The following KIF1A variants were observed in gnomAD, a reference collection of about 807,000 sequenced individuals.
The protein encoded by KIF1A is kinesin family member 1A.
A neutral mutation model predicts 227.3 loss-of-function variants in KIF1A; 46 were observed. That is an observed-to-expected ratio of 0.20 (90% CI 0.16 to 0.26). KIF1A has a LOEUF of 0.26. Among genes scored for constraint, KIF1A ranks in the 10% least tolerant of loss-of-function variants. The probability of loss-of-function intolerance (pLI) is 1.00; values close to 1 mark genes in which losing one functional copy is unlikely to be tolerated. For synonymous variants in KIF1A, 1,022 were observed against 1,012.8 expected, an observed-to-expected ratio of 1.01 and a Z score of -0.17; for missense variants, 1,683 against 2,485.9, an observed-to-expected ratio of 0.68 and a Z score of 6.87.
intron 8 of KIF1A, among the ~76,000 whole-genome samples, chr2:240,783,508 G>A (rs901712603): frequency 2.6e-4 from 40 of 152,168 alleles, no homozygotes; most frequent in Non-Finnish European, 5.3e-4. Context: ...CTTGGGGCCC[G>A]AAAGAGGACA....
Position 240,791,338 on chromosome 2 carries a change from G to T in KIF1A, c.107-2026C>A, listed in dbSNP as rs374873343. The stretch of plus-strand genomic sequence containing the variant: ...TGGGCCTCCCAGCTCTGACACAGAG[G>T]CCTGGGGCCCCTTGCTCAAGCCAGC... On this transcript the variant is annotated intron_variant, in intron 2 of 48. Transcript: ENST00000498729. Among the ~76,000 whole-genome samples, 177 of 152,210 alleles carry T rather than the reference G, an allele frequency of 1.2e-3. 4 individuals are homozygous for T. In the South Asian group the frequency reaches 0.027, roughly 23 times the overall value.
At chr2:240,722,121 TCCA>T (rs2045469973) in intron 43 of KIF1A, among the ~76,000 whole-genome samples, 3 of 152,146 alleles carry the variant, frequency 2.0e-5, no homozygotes, top group Non-Finnish European at 2.9e-5. Flanking sequence ...CTGTGCTGCC[TCCA>T]GTGCAGGAGG....
intron 11 of KIF1A, 135 bp from the exon 12 acceptor site, chr2:240,774,396 C>T: frequency 2.4e-6 from 1 of 418,878 alleles, no homozygotes; most frequent in Non-Finnish European, 4.2e-6. Context: ...GGCTTACCCC[C>T]CCCCCCACCC....
At chr2:240,796,430 C>T (rs928164600) in intron 2 of KIF1A, among the ~76,000 whole-genome samples, 1 of 152,194 alleles carries the variant, frequency 6.6e-6, no homozygotes, top group African/African-American at 2.4e-5. Flanking sequence ...GCCCCGGCCA[C>T]GGAGGTCACC....
At chr2:240,717,913 G>A (rs995970067) in intron 48 of KIF1A, 137 bp downstream of exon 48, 57 of 696,880 alleles carry the variant, frequency 8.2e-5, no homozygotes, top group Non-Finnish European at 1.2e-4. Flanking sequence ...AATGGTCCCC[G>A]CCAGGAGGGG....
rs2046006911 is a variant in KIF1A, at chr2:240,726,417, C to CCTGG, written c.4122+405_4122+408dup. ...CCTGAGGCCAGGAGTTTGAGAACAG[C>CCTGG]CTGGCCAACATGGCAAAACCCCATC... On this transcript the variant is annotated intron_variant, in intron 39 of 48. Coordinates refer to ENST00000498729, the MANE Select transcript of KIF1A (RefSeq NM_001244008.2). This position sits in a 1 kb window ranked among gnomAD's most constrained non-coding sequence, Gnocchi z 5.2. Among the ~76,000 whole-genome samples the CCTGG allele has an allele frequency of 6.6e-6, 1 of 152,152 alleles. No individual in the cohort carries two copies. Among genetic ancestry groups the CCTGG allele is most frequent in the Admixed American group, 6.5e-5 (1 of 15,282 alleles).
rs1281189074 is a variant in KIF1A at position 240,762,742 on chromosome 2, T to C, written c.2093A>G (p.Glu698Gly). 6.3e-7 allele frequency: 1 copy of C among 1,595,746 alleles called. No homozygotes were observed. The highest frequency in any genetic ancestry group is 1.7e-5 in the Admixed American group (1 of 59,472). ...DSRYYPEVNE[E>G]EEEPEDEVQW... ...ACCTTCATCCTCGGGCTCCTCCTCC[T>C]CCTCGTTCACCTCCGGGTAGTACCT... is the stretch of plus-strand genomic sequence containing the variant. Residue 698 changes from glutamate (E) to glycine (G), a missense_variant, in exon 23 of 49, where the codon GAG becomes GGG. Glu to Gly is a moderately conservative substitution (Grantham distance 98). Coordinates refer to ENST00000498729, the MANE Select transcript of KIF1A (RefSeq NM_001244008.2).
chr2:240,807,048 T>C (rs1380481284), intron 1 of KIF1A, among the ~76,000 whole-genome samples: 2 of 151,370 alleles, frequency 1.3e-5, no homozygotes, highest in African/African-American at 4.9e-5. Context: ...TGGTGTACTA[T>C]TTGCATTTGA....
In KIF1A at chr2:240,717,964, G is replaced by A. The variant is rs2044756265; in HGVS notation, c.5333+86C>T. ...CCTGGGAGAGCAGTCTTGTCCTGCA[G>A]CAGGGCCCTATCAAATGGTCCTGGC... On this transcript the variant is annotated intron_variant, in intron 48 of 48. Transcript: ENST00000498729. 4 of 844,292 alleles carry A rather than the reference G, an allele frequency of 4.7e-6. No homozygotes were observed. The South Asian group carries it at 5.7e-5, about 12-fold the overall frequency. The allele number at this position is 844,292 out of a possible 1,614,324, so 52.3% of individuals were successfully genotyped here.
chr2:240,770,885 C>T, intron 15 of KIF1A, 86 bp downstream of exon 15: 1 of 1,508,886 alleles, frequency 6.6e-7, no homozygotes, highest in Non-Finnish European at 9.0e-7. Flanking sequence ...ATGGGCTGTA[C>T]CCAGGAGGGC....
rs1309385394 is a variant in KIF1A at position 240,820,162 on chromosome 2, C to T, written c.-101G>A. On this transcript the variant is annotated 5_prime_UTR_variant, in exon 1 of 49. The change abolishes an upstream ATG in the 5' untranslated region. Coordinates refer to ENST00000498729, the MANE Select transcript of KIF1A (RefSeq NM_001244008.2). This position sits in a 1 kb window ranked among gnomAD's most constrained non-coding sequence, Gnocchi z 6.2. The stretch of plus-strand genomic sequence containing the variant: ...GGCGGCGGCCCCGCATGGGCACTGG[C>T]ATGGGCGCGGGCTCTCGAGCCCGGA... 1 of 149,128 alleles carries T rather than the reference C, an allele frequency of 6.7e-6. No individual in the cohort carries two copies. The highest frequency in any genetic ancestry group is 2.4e-5 in the African/African-American group (1 of 40,960). The allele number at this position is 149,128 out of a possible 1,614,324, so 9.2% of individuals were successfully genotyped here.
chr2:240,788,034 C>CCCCCCCCCCCAA lies in KIF1A; in HGVS notation c.363+16_363+17insTTGGGGGGGGGG. The CCCCCCCCCCCAA allele has an allele frequency of 6.9e-7, 1 of 1,449,064 alleles. No individual in the cohort carries two copies. Among genetic ancestry groups the CCCCCCCCCCCAA allele is most frequent in the Non-Finnish European group, 9.4e-7 (1 of 1,059,102 alleles). The allele number at this position is 1,449,064 out of a possible 1,614,324, so 89.8% of individuals were successfully genotyped here. A position where few individuals can be genotyped will look rare whatever the true frequency, so the allele number is the denominator to read the frequency against. On this transcript the variant is annotated intron_variant, in intron 4 of 48. Transcript: ENST00000498729. This position sits in a 1 kb window ranked among gnomAD's most constrained non-coding sequence, Gnocchi z 6.6. ...CCCATCTGCCAGGGCTGCCCCCGCC[C>CCCCCCCCCCCAA]GCCCCCCGCTTCGTGCCTGTGGGAT...
rs2053099400 is a variant in KIF1A, at chr2:240,778,608, G to C, written c.883-2682C>G. On this transcript the variant is annotated intron_variant, in intron 10 of 48. Coordinates refer to ENST00000498729, the MANE Select transcript of KIF1A (RefSeq NM_001244008.2). The surrounding 1 kb of genome is among the most constrained non-coding windows in gnomAD (Gnocchi z 7.2). ...AGCTCCCGAAAACCCCTTCAGCTCGGCCCCCGTCCCCACACAGCTCCCCAC... is the reference window on the plus strand; with the variant it reads ...AGCTCCCGAAAACCCCTTCAGCTCGCCCCCCGTCCCCACACAGCTCCCCAC... Among the ~76,000 whole-genome samples the C allele has an allele frequency of 6.8e-6, 1 of 148,004 alleles. No individual in the cohort carries two copies. Among genetic ancestry groups the C allele is most frequent in the Admixed American group, 6.7e-5 (1 of 14,940 alleles).
At chr2:240,719,623 C>T in intron 46 of KIF1A, 151 bp downstream of exon 46, 1 of 928,044 alleles carries the variant, frequency 1.1e-6, no homozygotes, top group Non-Finnish European at 1.6e-6. Context: ...CAGGGGCAGC[C>T]TGCCTGAACC....
chr2:240,814,139 T>A (rs577356178), intron 1 of KIF1A, among the ~76,000 whole-genome samples: 29 of 142,424 alleles, frequency 2.0e-4, no homozygotes, highest in Non-Finnish European at 3.1e-4. Context: ...AAAGAAAAAA[T>A]GAAAAGGAGG....
chr2:240,811,231 G>A (rs1205851596), intron 1 of KIF1A, among the ~76,000 whole-genome samples: 1 of 152,118 alleles, frequency 6.6e-6, no homozygotes, highest in African/African-American at 2.4e-5. Flanking sequence ...TCAGCGTGGT[G>A]GCAGGCACCC....
At position 240,778,660 on chromosome 2, in the gene KIF1A, C is replaced by T. The variant is rs2053109161; in HGVS notation, c.883-2734G>A. 1.3e-5 allele frequency among the ~76,000 whole-genome samples: 2 copies of T among 150,904 alleles called. No individual in the cohort carries two copies. Among genetic ancestry groups the T allele is most frequent in the Admixed American group, 1.3e-4 (2 of 15,154 alleles). ...CCCTTCCACACACTTCCTCCCGGTT[C>T]CCACAGCTCCACGCGGCGCCCAGCA... is the stretch of plus-strand genomic sequence containing the variant. On this transcript the variant is annotated intron_variant, in intron 10 of 48. Coordinates refer to ENST00000498729, the MANE Select transcript of KIF1A (RefSeq NM_001244008.2). The surrounding 1 kb of genome is among the most constrained non-coding windows in gnomAD (Gnocchi z 7.2).
At chr2:240,773,661 C>T (rs1273994643) in intron 12 of KIF1A, among the ~76,000 whole-genome samples, 3 of 152,194 alleles carry the variant, frequency 2.0e-5, no homozygotes, top group Non-Finnish European at 2.9e-5. Flanking sequence ...CACATGTCTA[C>T]GTTTCCAGCT....
At chr2:240,810,143 CAA>C (rs1444663054) in intron 1 of KIF1A, among the ~76,000 whole-genome samples, 2 of 152,004 alleles carry the variant, frequency 1.3e-5, no homozygotes, top group Admixed American at 6.5e-5. Flanking sequence ...CCGAAAACAC[CAA>C]AATGAAAGTT....
Sources: gnomAD v4.1 joint callset for allele counts (sites outside exome capture counted in the v4.1 genomes callset) on GRCh38, gnomAD v4.1.1 for gene constraint, Gnocchi (gnomAD v3.1) non-coding constraint, MANE v1.5 for transcripts, NCBI Gene and HGNC (gene_info 2026-07-23, HGNC 2026-07-21) for gene names.